CDC42BPA: variants seen among roughly 807,000 people sequenced by gnomAD.
CDC42BPA encodes serine/threonine-protein kinase MRCK alpha.
In CDC42BPA, 80 loss-of-function variants were observed where a neutral mutation model predicts 223.5. The observed-to-expected ratio is 0.36, with a 90% CI of 0.30 to 0.43. The LOEUF (loss-of-function observed/expected upper bound fraction) is 0.43. Among genes scored for constraint, CDC42BPA ranks in the 20% least tolerant of loss-of-function variants. The pLI is 1.00. For missense variants in CDC42BPA, 1,743 were observed against 2,099.9 expected (o/e 0.83, Z 3.32); for synonymous variants, 694 against 718.6 (o/e 0.97, Z 0.55).
Position 226,994,549 on chromosome 1 carries a change from G to T in CDC42BPA, c.5134-150C>A. 1 of 915,126 alleles carries T rather than the reference G, an allele frequency of 1.1e-6. No homozygotes were observed. 56.7% of individuals were successfully genotyped at this position (915,126 alleles called of 1,614,324 possible). A position where few individuals can be genotyped will look rare whatever the true frequency, so the allele number is the denominator to read the frequency against. On this transcript the variant is annotated intron_variant, in intron 36 of 36. Transcript: ENST00000366766. The surrounding 1 kb of genome is among the most constrained non-coding windows in gnomAD (Gnocchi z 4.0). ...CGGTATAAAGCCCCTTCTATGAGCTGAGGAAGAGGCACGGAACATACAAGC... is the reference window on the plus strand; with the variant it reads ...CGGTATAAAGCCCCTTCTATGAGCTTAGGAAGAGGCACGGAACATACAAGC...
chr1:227,077,155 T>C lies in CDC42BPA; in HGVS notation c.2481-2791A>G, dbSNP rs551939067. Among the ~76,000 whole-genome samples the C allele has an allele frequency of 1.1e-4, 16 of 152,356 alleles. No individual in the cohort carries two copies. In the South Asian group the frequency reaches 3.3e-3, roughly 32 times the overall value. On this transcript the variant is annotated intron_variant, in intron 17 of 36. Transcript: ENST00000366766. Reference sequence around the variant, plus strand: ...GGGCATATATAGTAATTAGGAACTTTGATTCTTAAGTCATATAGACCTGGT... The same window carrying C: ...GGGCATATATAGTAATTAGGAACTTCGATTCTTAAGTCATATAGACCTGGT...
At chr1:227,208,847 T>A (rs1673328970) in intron 3 of CDC42BPA, among the ~76,000 whole-genome samples, 1 of 151,890 alleles carries the variant, frequency 6.6e-6, no homozygotes, top group African/African-American at 2.4e-5. Context: ...GGGCTCTTTT[T>A]CGGTTCCATA....
chr1:227,213,773 A>C (rs965721784), intron 2 of CDC42BPA, among the ~76,000 whole-genome samples: 3 of 152,150 alleles, frequency 2.0e-5, no homozygotes, highest in African/African-American at 7.2e-5. Flanking sequence ...ACACATATAC[A>C]TACGCATAGA....
chr1:227,047,261 G>T (rs780130292), intron 23 of CDC42BPA, among the ~76,000 whole-genome samples: 5 of 151,882 alleles, frequency 3.3e-5, no homozygotes, highest in Non-Finnish European at 7.4e-5. Context: ...TCTCTTTAAG[G>T]ATATTTTTTA....
intron 21 of CDC42BPA, among the ~76,000 whole-genome samples, chr1:227,055,517 C>A (rs1423363033): frequency 2.0e-5 from 3 of 152,076 alleles, no homozygotes; most frequent in Non-Finnish European, 2.9e-5. Context: ...TATGAATTGG[C>A]AATGACTCTG....
At chr1:226,996,474 T>C (rs544623465) in intron 35 of CDC42BPA, among the ~76,000 whole-genome samples, 2 of 146,082 alleles carry the variant, frequency 1.4e-5, no homozygotes, top group East Asian at 4.0e-4. Flanking sequence ...TCTTGTCTGG[T>C]TGCCCTGGCC....
At chr1:227,125,983 G>A (rs1239361528) in intron 11 of CDC42BPA, among the ~76,000 whole-genome samples, 1 of 151,854 alleles carries the variant, frequency 6.6e-6, no homozygotes, top group African/African-American at 2.4e-5. Context: ...TCTTGTTTCA[G>A]AGGCAGGGTT....
intron 16 of CDC42BPA, among the ~76,000 whole-genome samples, chr1:227,083,859 A>G (rs1327988721): frequency 1.3e-5 from 2 of 152,204 alleles, no homozygotes; most frequent in Admixed American, 6.5e-5. Context: ...TGAATTATTT[A>G]CTAAAGATCC....
intron 16 of CDC42BPA, among the ~76,000 whole-genome samples, chr1:227,085,761 A>G (rs1396609728): frequency 6.6e-6 from 1 of 152,208 alleles, no homozygotes. Flanking sequence ...CAAACAAGAG[A>G]TTTAAGTTTG....
At position 227,294,688 on chromosome 1, in the gene CDC42BPA, G is replaced by A. The variant is rs935773173; in HGVS notation, c.178+22317C>T. On this transcript the variant is annotated intron_variant, in intron 1 of 36. Coordinates refer to ENST00000366766, the MANE Select transcript of CDC42BPA (RefSeq NM_001394014.1). ...ATCCTGGCTAACAAGGTGAAACCCCGTCTCTACTAAAAATACAAAAAATTA... is the reference window on the plus strand; with the variant it reads ...ATCCTGGCTAACAAGGTGAAACCCCATCTCTACTAAAAATACAAAAAATTA... 2.0e-4 allele frequency among the ~76,000 whole-genome samples: 19 copies of A among 94,932 alleles called. 4 individuals are homozygous for A. The highest frequency in any genetic ancestry group is 3.5e-4 in the Non-Finnish European group (16 of 45,556). 62.3% of individuals were successfully genotyped at this position (94,932 alleles called of 152,430 possible).
At chr1:227,109,822 T>C (rs78220690) in intron 14 of CDC42BPA, among the ~76,000 whole-genome samples, 8,151 of 151,488 alleles carry the variant, frequency 0.054, 247 homozygotes, top group Non-Finnish European at 0.072. Flanking sequence ...TACTAGATGA[T>C]AGGAATTTTT....
intron 17 of CDC42BPA, among the ~76,000 whole-genome samples, chr1:227,076,527 G>A (rs556743214): frequency 2.0e-5 from 3 of 152,282 alleles, no homozygotes; most frequent in African/African-American, 7.2e-5. Context: ...AAAGTGCTGG[G>A]ATTACAGGCG....
chr1:227,016,576 GTAGT>G (rs1358414130), intron 33 of CDC42BPA, among the ~76,000 whole-genome samples: 6 of 152,154 alleles, frequency 3.9e-5, no homozygotes, highest in South Asian at 2.1e-4. Flanking sequence ...CATGAAGAGA[GTAGT>G]TAGTCTGAAC....
Position 227,199,593 on chromosome 1 carries a change from T to C in CDC42BPA, c.414A>G (p.Thr138=). The change falls in exon 4 of 37, where the codon ACA becomes ACG. Residue 138 remains threonine (T), a synonymous_variant. Coordinates refer to ENST00000366766, the MANE Select transcript of CDC42BPA (RefSeq NM_001394014.1). ...VLVNGDNKWI[T]TLHYAFQDDN... is the part of the protein sequence containing the mutation. The stretch of plus-strand genomic sequence containing the variant: ...CATCCTGGAAAGCATAGTGCAAGGT[T>C]GTAATCCATTTATTGTCTCCATTCA... The C allele has an allele frequency of 6.2e-7, 1 of 1,607,028 alleles. No homozygotes were observed. Among genetic ancestry groups the C allele is most frequent in the African/African-American group, 1.3e-5 (1 of 74,846 alleles).
At chr1:227,285,480 A>G (rs1035086934) in intron 1 of CDC42BPA, among the ~76,000 whole-genome samples, 1 of 152,212 alleles carries the variant, frequency 6.6e-6, no homozygotes, top group African/African-American at 2.4e-5. Flanking sequence ...TATGCCCCTG[A>G]AATAACAGAC....
intron 1 of CDC42BPA, among the ~76,000 whole-genome samples, chr1:227,312,641 C>T (rs957447149): frequency 1.3e-5 from 2 of 151,976 alleles, no homozygotes; most frequent in African/African-American, 4.8e-5. Flanking sequence ...TCTCTTGAGC[C>T]CAGGAGTTCA....
intron 5 of CDC42BPA, among the ~76,000 whole-genome samples, chr1:227,164,296 G>A (rs1321202382): frequency 6.6e-6 from 1 of 151,998 alleles, no homozygotes; most frequent in Non-Finnish European, 1.5e-5. Context: ...AGCTTAATAT[G>A]TTCTATAATA....
At chr1:227,300,463 T>C (rs1183685464) in intron 1 of CDC42BPA, among the ~76,000 whole-genome samples, 1 of 152,136 alleles carries the variant, frequency 6.6e-6, no homozygotes, top group African/African-American at 2.4e-5. Context: ...GGTATATATA[T>C]ACACACATAC....
Position 227,080,981 on chromosome 1 carries a change from G to C in CDC42BPA, c.2392C>G (p.Gln798Glu), listed in dbSNP as rs1457088345. ...TCTTTAACCTCTTCTTCTAACTGCT[G>C]GTTGTGTATACTTAAGTTCTCATAC... ...TLYENLSIHN[Q>E]QLEEEVKDLA... The change falls in exon 17 of 37, where the codon CAG (glutamine) becomes GAG (glutamate). Residue 798 changes from glutamine (Q) to glutamate (E), a missense_variant. Coordinates refer to ENST00000366766, the MANE Select transcript of CDC42BPA (RefSeq NM_001394014.1). 1 of 1,613,460 alleles carries C rather than the reference G, an allele frequency of 6.2e-7. No homozygotes were observed. Among genetic ancestry groups the C allele is most frequent in the South Asian group, 1.1e-5 (1 of 91,072 alleles).
Sources: gnomAD v4.1 joint callset for allele counts (sites outside exome capture counted in the v4.1 genomes callset) on GRCh38, gnomAD v4.1.1 for gene constraint, Gnocchi (gnomAD v3.1) non-coding constraint, MANE v1.5 for transcripts, NCBI Gene and HGNC (gene_info 2026-07-23, HGNC 2026-07-21) for gene names.